Variants in AGBL4 observed in about 807,000 individuals in gnomAD.
AGBL4 encodes AGBL carboxypeptidase 4, also known as cytosolic carboxypeptidase 6.
A neutral mutation model predicts 66.4 loss-of-function variants in AGBL4; 58 were observed. The observed-to-expected ratio is 0.87, with a 90% CI of 0.71 to 1.09. The LOEUF is 1.09. Among genes scored for constraint, AGBL4 ranks in the 50% least tolerant of loss-of-function variants. The pLI, the probability that AGBL4 is intolerant of heterozygous loss-of-function variation, is 0.00. For missense variants in AGBL4, 579 were observed against 631.0 expected (o/e 0.92, Z 0.88); for synonymous variants, 234 against 222.9 (o/e 1.05, Z -0.44).
intron 3 of AGBL4, among the ~76,000 whole-genome samples, chr1:49,566,985 C>G (rs1020052927): frequency 5.9e-5 from 9 of 152,234 alleles, no homozygotes; most frequent in Admixed American, 4.6e-4. Flanking sequence ...TTTACCTACT[C>G]AAGCCTGGAC....
intron 2 of AGBL4, among the ~76,000 whole-genome samples, chr1:49,748,657 T>TC (rs1651196009): frequency 6.6e-6 from 1 of 152,222 alleles, no homozygotes; most frequent in African/African-American, 2.4e-5. Context: ...CTCCACATCC[T>TC]CTCCAGCATC....
intron 3 of AGBL4, among the ~76,000 whole-genome samples, chr1:49,249,704 C>T (rs1475255532): frequency 3.3e-5 from 5 of 152,152 alleles, no homozygotes; most frequent in Admixed American, 6.5e-5. Flanking sequence ...TGTGATCTAG[C>T]AATCTCATCA....
In AGBL4 at chr1:49,252,037, A is replaced by C. The variant is rs549484009; in HGVS notation, c.283-6173T>G. 3.3e-5 allele frequency among the ~76,000 whole-genome samples: 5 copies of C among 152,330 alleles called. No homozygotes were observed. In the South Asian group the frequency reaches 1.0e-3, roughly 32 times the overall value. On this transcript the variant is annotated intron_variant, in intron 3 of 13. Coordinates refer to ENST00000371839, the MANE Select transcript of AGBL4 (RefSeq NM_032785.4). The stretch of plus-strand genomic sequence containing the variant: ...AAATGACCACATCACCTTTCCAGCA[A>C]GCATTCAAAACTGGACTGAGATGGC...
intron 3 of AGBL4, among the ~76,000 whole-genome samples, chr1:49,474,686 G>A (rs1345058493): frequency 6.6e-6 from 1 of 151,868 alleles, no homozygotes; most frequent in Non-Finnish European, 1.5e-5. Context: ...AATAGCTCTA[G>A]GGATATTTGG....
chr1:49,932,018 G>A (rs1005562430), intron 1 of AGBL4, among the ~76,000 whole-genome samples: 5 of 152,108 alleles, frequency 3.3e-5, no homozygotes, highest in Admixed American at 3.3e-4. Flanking sequence ...CAGATTTTGG[G>A]TTGGCAGATT....
rs557564323 is a variant in AGBL4 at position 48,690,346 on chromosome 1, G to A, written c.635-27105C>T. Among the ~76,000 whole-genome samples the A allele has an allele frequency of 7.2e-5, 11 of 152,232 alleles. No individual in the cohort carries two copies. The South Asian group carries it at 2.1e-3, about 29-fold the overall frequency. ...TGGAGGATGGGGTGGGGGGCGCAGA[G>A]ACTCTCAGTTTTATCATGTAATAGA... is the stretch of plus-strand genomic sequence containing the variant. On this transcript the variant is annotated intron_variant, in intron 6 of 13. Transcript: ENST00000371839.
intron 6 of AGBL4, among the ~76,000 whole-genome samples, chr1:48,698,512 G>C (rs916605691): frequency 6.6e-6 from 1 of 152,220 alleles, no homozygotes; most frequent in African/African-American, 2.4e-5. Flanking sequence ...CTCATCCTGA[G>C]CTCCTCCACT....
At chr1:49,178,742 G>A (rs938473111) in intron 4 of AGBL4, among the ~76,000 whole-genome samples, 2 of 152,170 alleles carry the variant, frequency 1.3e-5, no homozygotes, top group African/African-American at 4.8e-5. Flanking sequence ...CTGGGGTTGA[G>A]TGAGCTGAGC....
chr1:49,413,418 T>C (rs936760761), intron 3 of AGBL4, among the ~76,000 whole-genome samples: 24 of 152,098 alleles, frequency 1.6e-4, no homozygotes, highest in African/African-American at 5.6e-4. Context: ...AAAAGTAAAA[T>C]TGCATCAGAA....
At chr1:49,762,919 C>G (rs911159060) in intron 2 of AGBL4, among the ~76,000 whole-genome samples, 9 of 152,136 alleles carry the variant, frequency 5.9e-5, no homozygotes, top group Non-Finnish European at 1.2e-4. Flanking sequence ...CTTTTGTTTT[C>G]TGTACTTTCG....
chr1:48,586,894 TGA>T, intron 11 of AGBL4, 108 bp downstream of exon 11: 4 of 1,411,224 alleles, frequency 2.8e-6, no homozygotes, highest in Non-Finnish European at 4.0e-6. Context: ...CATCCTCACC[TGA>T]GAGTCTCAGC....
chr1:49,502,142 T>G (rs1325010773), intron 3 of AGBL4, among the ~76,000 whole-genome samples: 1 of 152,156 alleles, frequency 6.6e-6, no homozygotes, highest in Non-Finnish European at 1.5e-5. Flanking sequence ...AGCTGTCAAC[T>G]TGATTGGATT....
At chr1:49,994,474 G>C (rs959905467) in intron 1 of AGBL4, 2 of 152,260 alleles carry the variant, frequency 1.3e-5, no homozygotes, top group African/African-American at 4.8e-5. Flanking sequence ...GGGGCTTTGG[G>C]AGGCTGAGGC....
chr1:49,526,888 A>T (rs1650700406), intron 3 of AGBL4, among the ~76,000 whole-genome samples: 1 of 152,158 alleles, frequency 6.6e-6, no homozygotes, highest in Non-Finnish European at 1.5e-5. Flanking sequence ...TAAAGGTAAA[A>T]GCAGTAGAAA....
At chr1:49,784,841 G>T (rs1292920828) in intron 2 of AGBL4, among the ~76,000 whole-genome samples, 1 of 151,742 alleles carries the variant, frequency 6.6e-6, no homozygotes, top group African/African-American at 2.4e-5. Context: ...TACATTAAAA[G>T]ATATTCAACA....
chr1:49,679,128 A>G (rs1646639406), intron 3 of AGBL4, among the ~76,000 whole-genome samples: 1 of 152,088 alleles, frequency 6.6e-6, no homozygotes, highest in Admixed American at 6.6e-5. Context: ...AGTTGTTGAG[A>G]GAGGGGTGTT....
chr1:49,730,914 G>A (rs1198598046), intron 2 of AGBL4, among the ~76,000 whole-genome samples: 1 of 152,172 alleles, frequency 6.6e-6, no homozygotes, highest in Non-Finnish European at 1.5e-5. Flanking sequence ...ATGAATGAAG[G>A]TAAGTATACT....
chr1:48,806,588 G>C (rs1156866537), intron 6 of AGBL4, among the ~76,000 whole-genome samples: 1 of 152,156 alleles, frequency 6.6e-6, no homozygotes, highest in African/African-American at 2.4e-5. Context: ...TCCTTGAGCT[G>C]AACTACCACT....
chr1:48,734,352 C>G (rs533869460), intron 6 of AGBL4, among the ~76,000 whole-genome samples: 74 of 152,220 alleles, frequency 4.9e-4, no homozygotes, highest in African/African-American at 1.6e-3. Flanking sequence ...CAAAATACAC[C>G]CTACACTTGG....
Sources: allele counts gnomAD v4.1 joint callset (sites outside exome capture counted in the v4.1 genomes callset), GRCh38; gene constraint gnomAD v4.1.1; transcripts MANE v1.5; gene names NCBI Gene and HGNC (gene_info 2026-07-23, HGNC 2026-07-21).